The following TVP23C variants were observed in gnomAD, a reference collection of about 807,000 sequenced individuals.
The protein encoded by TVP23C is Golgi apparatus membrane protein TVP23 homolog C.
A neutral mutation model predicts 28.7 loss-of-function variants in TVP23C; 19 were observed. The ratio of observed to expected loss-of-function variants is 0.66; its 90% confidence interval spans 0.46 to 0.97. The LOEUF (loss-of-function observed/expected upper bound fraction) is 0.97, where lower values mean the gene tolerates loss of function less well. TVP23C is among the 50% of genes least tolerant of loss of function. TVP23C has a pLI of 0.00. For synonymous variants in TVP23C, 68 were observed against 81.7 expected, an observed-to-expected ratio of 0.83 and a Z score of 0.90; for missense variants, 186 against 241.3, an observed-to-expected ratio of 0.77 and a Z score of 1.52.
chr17:15,545,652 T>C (rs1187348020), intron 5 of TVP23C, 133 bp downstream of exon 5: 22 of 1,348,806 alleles, frequency 1.6e-5, no homozygotes, highest in Non-Finnish European at 2.1e-5. Context: ...GAAGCAAAAC[T>C]TGGGAATTAC....
chr17:15,540,785 T>C (rs1485084128), intron 5 of TVP23C, among the ~76,000 whole-genome samples: 16 of 152,230 alleles, frequency 1.1e-4, no homozygotes, highest in Non-Finnish European at 1.8e-4. Context: ...AAATATTTAC[T>C]GGACACAACT....
chr17:15,531,456 C>T (rs1432346842), intron 5 of TVP23C, among the ~76,000 whole-genome samples: 1 of 152,174 alleles, frequency 6.6e-6, no homozygotes, highest in Non-Finnish European at 1.5e-5. Context: ...TAAAATGCCA[C>T]AGATCCCTCA....
intron 1 of TVP23C, 123 bp from the exon 2 acceptor site, chr17:15,555,487 T>G (rs1984090725): frequency 1.4e-6 from 2 of 1,445,868 alleles, no homozygotes; most frequent in South Asian, 2.7e-5. Flanking sequence ...GCATCAGGAA[T>G]TCAAAACCTA....
downstream of TVP23C, among the ~76,000 whole-genome samples, chr17:15,533,182 T>C (rs1983017290): frequency 6.6e-6 from 1 of 152,226 alleles, no homozygotes; most frequent in South Asian, 2.1e-4. Flanking sequence ...TTTTAAATCA[T>C]CTATCATGAT....
At chr17:15,503,841 G>A (rs1176153593) in intron 5 of TVP23C, among the ~76,000 whole-genome samples, 1 of 151,914 alleles carries the variant, frequency 6.6e-6, no homozygotes, top group African/African-American at 2.4e-5. Context: ...CAAACAGAAG[G>A]AAGCTCTTGT....
chr17:15,502,601 G>A lies in TVP23C; in HGVS notation c.*263C>T, dbSNP rs959559067. Reference sequence around the variant, plus strand: ...CATGGCCCTGCCCCACAAAGCAGGCGTGCTGGGGGCTGCTTGGCCAGGAAA... The same window carrying A: ...CATGGCCCTGCCCCACAAAGCAGGCATGCTGGGGGCTGCTTGGCCAGGAAA... On this transcript the variant is annotated 3_prime_UTR_variant, in exon 6 of 6. Coordinates refer to the TVP23C transcript ENST00000225576. 11 of 469,766 alleles carry A rather than the reference G, an allele frequency of 2.3e-5. No homozygotes were observed. In the East Asian group the frequency reaches 2.7e-4, roughly 12 times the overall value. The allele number at this position is 469,766 out of a possible 1,614,324, so 29.1% of individuals were successfully genotyped here. A position where few individuals can be genotyped will look rare whatever the true frequency, so the allele number is the denominator to read the frequency against.
intron 2 of TVP23C, among the ~76,000 whole-genome samples, chr17:15,554,141 T>C (rs796391580): frequency 9.2e-5 from 14 of 152,270 alleles, no homozygotes; most frequent in African/African-American, 3.4e-4. Flanking sequence ...TATCTTAGAA[T>C]TTGAATCCTA....
chr17:15,502,872 T>C, exon 6 of TVP23C: 2 of 1,585,396 alleles, frequency 1.3e-6, no homozygotes, highest in Non-Finnish European at 1.7e-6. Context: ...TTTTAATGCA[T>C]TCCGGATGCC....
chr17:15,527,082 G>A (rs1269281674), intron 5 of TVP23C, among the ~76,000 whole-genome samples: 2 of 152,138 alleles, frequency 1.3e-5, no homozygotes, highest in Non-Finnish European at 1.5e-5. Flanking sequence ...AATCAGGAGC[G>A]AGAGGGAGAT....
intron 5 of TVP23C, chr17:15,507,308 C>A: frequency 1.3e-6 from 1 of 760,412 alleles, no homozygotes; most frequent in Non-Finnish European, 2.4e-6. Flanking sequence ...CCAGGAATGG[C>A]AAGACCAGCA....
rs1216715504 is a variant in TVP23C at position 15,502,785 on chromosome 17, C to CCCTCTCT, written c.*72_*78dup. The CCCTCTCT allele has an allele frequency of 3.6e-4, 531 of 1,470,722 alleles. No individual in the cohort carries two copies. In the African/African-American group the frequency reaches 7.1e-3, roughly 20 times the overall value. The allele number at this position is 1,470,722 out of a possible 1,614,324, so 91.1% of individuals were successfully genotyped here. ...CTCCTTCTCCGTCACTCTCTTCCCT[C>CCCTCTCT]CCTCTCTCCTCTCTCCTCTCTCTCC... On this transcript the variant is annotated 3_prime_UTR_variant, in exon 6 of 6. Coordinates refer to the TVP23C transcript ENST00000225576.
intron 5 of TVP23C, among the ~76,000 whole-genome samples, chr17:15,520,642 A>C (rs1345059155): frequency 6.6e-6 from 1 of 152,016 alleles, no homozygotes; most frequent in African/African-American, 2.4e-5. Context: ...TTATGGCTGA[A>C]AGTGGACATC....
downstream of TVP23C, among the ~76,000 whole-genome samples, chr17:15,534,834 G>C (rs1283573509): frequency 6.6e-6 from 1 of 151,778 alleles, no homozygotes; most frequent in Non-Finnish European, 1.5e-5. Flanking sequence ...CGGGCGTGGT[G>C]GTGGGCACCT....
intron 5 of TVP23C, 58 bp downstream of exon 5, chr17:15,545,727 C>T: frequency 6.4e-7 from 1 of 1,562,212 alleles, no homozygotes; most frequent in Non-Finnish European, 8.7e-7. Flanking sequence ...TTGTTGCTTC[C>T]TATGATTACC....
chr17:15,521,203 T>A (rs1442935809), intron 5 of TVP23C, among the ~76,000 whole-genome samples: 1 of 152,040 alleles, frequency 6.6e-6, no homozygotes, highest in Non-Finnish European at 1.5e-5. Context: ...AACAAGTTGA[T>A]TATAAAATTA....
chr17:15,526,713 C>A (rs907167975), intron 5 of TVP23C, among the ~76,000 whole-genome samples: 9 of 152,182 alleles, frequency 5.9e-5, no homozygotes, highest in African/African-American at 2.2e-4. Flanking sequence ...AGTATATTGC[C>A]ATCTAGAGGA....
rs1983215518 is a variant in TVP23C, at chr17:15,537,751, C to A, written c.*2661G>T. On this transcript the variant is annotated 3_prime_UTR_variant, in exon 6 of 6. Transcript: ENST00000518321. ...TATGTAAACATATAGAGCTTTGAGA[C>A]AGACTAAGAACATCCTCCTATGTTC... 2 of 1,020,522 alleles carry A rather than the reference C, an allele frequency of 2.0e-6. No individual in the cohort carries two copies. Among genetic ancestry groups the A allele is most frequent in the Non-Finnish European group, 2.3e-6 (2 of 853,142 alleles). 63.2% of individuals were successfully genotyped at this position (1,020,522 alleles called of 1,614,324 possible).
At chr17:15,515,666 C>G (rs1161535776) in intron 5 of TVP23C, among the ~76,000 whole-genome samples, 9 of 152,118 alleles carry the variant, frequency 5.9e-5, no homozygotes, top group African/African-American at 2.2e-4. Context: ...CTCTGAACAC[C>G]ACAGCCAAGG....
Position 15,545,811 on chromosome 17 carries a change from G to C in TVP23C, c.436C>G (p.Leu146Val), listed in dbSNP as rs374617670. 2.5e-6 allele frequency: 4 copies of C among 1,613,866 alleles called. No homozygotes were observed. The highest frequency in any genetic ancestry group is 3.3e-5 in the Admixed American group (2 of 59,940). ...AGCCACTTTACTGTGAAGGAGAAGA[G>C]TGCACTAAAGGCAAATATCACCCAC... is the stretch of plus-strand genomic sequence containing the variant. ...VLWVIFAFSA[L>V]FSFTVKWLAV... The change falls in exon 5 of 6, where the codon CTC becomes GTC. Residue 146 changes from leucine to valine, a missense_variant. Leu to Val is a conservative substitution (Grantham distance 32). Transcript: ENST00000518321.
Sources: allele counts gnomAD v4.1 joint callset (sites outside exome capture counted in the v4.1 genomes callset), GRCh38; gene constraint gnomAD v4.1.1; transcripts MANE v1.5; gene names NCBI Gene and HGNC (gene_info 2026-07-23, HGNC 2026-07-21).